Variants in CTNNA3 observed in about 807,000 individuals in gnomAD.
CTNNA3 encodes catenin alpha-3.
A neutral mutation model predicts 95.7 loss-of-function variants in CTNNA3; 76 were observed. The ratio of observed to expected loss-of-function variants is 0.79; its 90% confidence interval spans 0.66 to 0.96. The LOEUF is 0.96. Among genes scored for constraint, CTNNA3 ranks in the 40% least tolerant of loss-of-function variants. The pLI is 0.00. For synonymous variants in CTNNA3, 431 were observed against 374.4 expected (o/e 1.15, Z -1.74); for missense variants, 1,191 against 1,089.8 (o/e 1.09, Z -1.31).
intron 7 of CTNNA3, among the ~76,000 whole-genome samples, chr10:67,038,356 T>C (rs1854193074): frequency 6.6e-6 from 1 of 152,114 alleles, no homozygotes; most frequent in Admixed American, 6.5e-5. Flanking sequence ...TAAGTCACTA[T>C]ATGTCAATTA....
chr10:66,246,634 AG>A (rs924365925), intron 13 of CTNNA3, among the ~76,000 whole-genome samples: 2 of 152,230 alleles, frequency 1.3e-5, no homozygotes, highest in Non-Finnish European at 2.9e-5. Context: ...GAATTCTATC[AG>A]ATGATTTTAA....
intron 7 of CTNNA3, among the ~76,000 whole-genome samples, chr10:66,933,739 C>T (rs1381078129): frequency 6.6e-6 from 1 of 151,312 alleles, no homozygotes; most frequent in Admixed American, 6.6e-5. Flanking sequence ...TATAAATGTA[C>T]AGGGACTTCC....
intron 7 of CTNNA3, among the ~76,000 whole-genome samples, chr10:67,149,356 C>A (rs1373461280): frequency 6.6e-6 from 1 of 151,968 alleles, no homozygotes; most frequent in Non-Finnish European, 1.5e-5. Flanking sequence ...GAGGCCGAGG[C>A]GGGCAGATCA....
intron 7 of CTNNA3, among the ~76,000 whole-genome samples, chr10:67,147,848 A>C (rs1860915368): frequency 6.6e-6 from 1 of 152,220 alleles, no homozygotes; most frequent in South Asian, 2.1e-4. Flanking sequence ...GAAGCTGTAT[A>C]GATTGAACAT....
At chr10:67,719,349 ATTTG>A (rs377757337) in intron 1 of CTNNA3, among the ~76,000 whole-genome samples, 2,461 of 151,608 alleles carry the variant, frequency 0.016, 31 homozygotes, top group South Asian at 0.033. Flanking sequence ...TAGCTTTTGA[ATTTG>A]TTTGCTCTTG....
At chr10:66,932,117 C>G (rs1329517505) in intron 7 of CTNNA3, among the ~76,000 whole-genome samples, 1 of 152,114 alleles carries the variant, frequency 6.6e-6, no homozygotes, top group African/African-American at 2.4e-5. Context: ...CTCCCTCCCC[C>G]TTTTCAGCCA....
chr10:67,259,511 G>A (rs1016518305), intron 5 of CTNNA3, among the ~76,000 whole-genome samples: 3 of 152,062 alleles, frequency 2.0e-5, no homozygotes, highest in Admixed American at 6.5e-5. Context: ...AATCATTTAC[G>A]CAGAAGCTTG....
chr10:66,773,049 C>T (rs1840158421), intron 8 of CTNNA3, among the ~76,000 whole-genome samples: 1 of 152,236 alleles, frequency 6.6e-6, no homozygotes, highest in South Asian at 2.1e-4. Flanking sequence ...GTAGAGATAA[C>T]TTATATTGCT....
intron 1 of CTNNA3, among the ~76,000 whole-genome samples, chr10:67,731,529 G>T (rs1053593104): frequency 6.6e-6 from 1 of 151,834 alleles, no homozygotes; most frequent in Non-Finnish European, 1.5e-5. Context: ...TAGGCCGGGC[G>T]CGGTGGCTTA....
chr10:66,542,332 G>A (rs1423418532), intron 10 of CTNNA3, among the ~76,000 whole-genome samples: 8 of 152,046 alleles, frequency 5.3e-5, no homozygotes, highest in Non-Finnish European at 7.4e-5. Flanking sequence ...ACAGTGTGGT[G>A]ATTCCTCAGG....
chr10:67,542,681 A>C (rs549352422), intron 3 of CTNNA3, among the ~76,000 whole-genome samples: 3 of 152,202 alleles, frequency 2.0e-5, no homozygotes, highest in African/African-American at 7.2e-5. Flanking sequence ...TGTACAAAGT[A>C]CTAAGAGACA....
At chr10:67,710,760 T>C (rs1233138115) in intron 1 of CTNNA3, among the ~76,000 whole-genome samples, 3 of 152,200 alleles carry the variant, frequency 2.0e-5, no homozygotes, top group Non-Finnish European at 4.4e-5. Flanking sequence ...AATGCTATTC[T>C]ATGGAAAATT....
intron 3 of CTNNA3, among the ~76,000 whole-genome samples, chr10:67,546,698 C>A (rs1323013857): frequency 6.6e-6 from 1 of 152,184 alleles, no homozygotes; most frequent in Admixed American, 6.5e-5. Context: ...AACCTATTGA[C>A]TGATATGCCA....
At chr10:66,664,443 T>C (rs1846371187) in intron 9 of CTNNA3, among the ~76,000 whole-genome samples, 1 of 152,098 alleles carries the variant, frequency 6.6e-6, no homozygotes, top group Admixed American at 6.6e-5. Context: ...TTCATGAATA[T>C]TGGTCCCATC....
At position 66,935,926 on chromosome 10, in the gene CTNNA3, C is replaced by T. The variant is rs759498993; in HGVS notation, c.1048-160402G>A. On this transcript the variant is annotated intron_variant, in intron 7 of 17. Coordinates refer to ENST00000433211, the MANE Select transcript of CTNNA3 (RefSeq NM_013266.4). ...CCCACCCACAAAAGGCTTCTCAAAG[C>T]CAAATCATGCATCTCCAGATCCCTT... Among the ~76,000 whole-genome samples, 35 of 151,998 alleles carry T rather than the reference C, an allele frequency of 2.3e-4. 1 individual carries two copies. Among genetic ancestry groups the T allele is most frequent in the Non-Finnish European group, 2.9e-5 (2 of 67,984 alleles).
At chr10:67,232,501 C>G (rs1245673100) in intron 5 of CTNNA3, among the ~76,000 whole-genome samples, 3 of 151,756 alleles carry the variant, frequency 2.0e-5, no homozygotes, top group Non-Finnish European at 4.4e-5. Flanking sequence ...TAAAAGAGCT[C>G]CTGAAGGAAG....
At chr10:66,605,530 A>G (rs190538808) in intron 10 of CTNNA3, among the ~76,000 whole-genome samples, 1 of 152,270 alleles carries the variant, frequency 6.6e-6, no homozygotes, top group African/African-American at 2.4e-5. Context: ...GGTCAAAATG[A>G]AAGAAAAAAT....
At chr10:67,083,698 A>C (rs568923043) in intron 7 of CTNNA3, among the ~76,000 whole-genome samples, 2 of 152,268 alleles carry the variant, frequency 1.3e-5, no homozygotes, top group African/African-American at 4.8e-5. Flanking sequence ...TAATACATAT[A>C]TGTCTCAGTT....
At chr10:67,229,588 G>C (rs986890800) in intron 5 of CTNNA3, among the ~76,000 whole-genome samples, 7 of 152,068 alleles carry the variant, frequency 4.6e-5, no homozygotes, top group African/African-American at 1.7e-4. Context: ...CCTCCAGAAA[G>C]GTCCTAGAAC....
Sources: gnomAD v4.1 joint callset for allele counts (sites outside exome capture counted in the v4.1 genomes callset) on GRCh38, gnomAD v4.1.1 for gene constraint, MANE v1.5 for transcripts, NCBI Gene and HGNC (gene_info 2026-07-23, HGNC 2026-07-21) for gene names.